The following RGS6 variants were observed in gnomAD, a reference collection of about 807,000 sequenced individuals.
RGS6 encodes the protein regulator of G-protein signaling 6.
RGS6 carries 30 observed loss-of-function variants against 78.5 expected under a neutral mutation model. The observed-to-expected ratio is 0.38, with a 90% CI of 0.29 to 0.52. RGS6 has a LOEUF of 0.52. Ranked by LOEUF, RGS6 falls within the 20% of genes least tolerant of loss-of-function variation. The pLI, the probability that RGS6 is intolerant of heterozygous loss-of-function variation, is 0.85. For missense variants in RGS6, 495 were observed against 609.7 expected, an observed-to-expected ratio of 0.81 and a Z score of 1.98; for synonymous variants, 206 against 206.0, an observed-to-expected ratio of 1.00 and a Z score of 0.00.
chr14:72,461,856 G>T (rs529218975), intron 6 of RGS6, among the ~76,000 whole-genome samples: 1 of 152,154 alleles, frequency 6.6e-6, no homozygotes, highest in Non-Finnish European at 1.5e-5. Flanking sequence ...GTGCCTCAGA[G>T]ACCTCATATT....
chr14:72,524,645 C>A (rs1598698101), intron 15 of RGS6, among the ~76,000 whole-genome samples: 2 of 152,340 alleles, frequency 1.3e-5, no homozygotes, highest in Non-Finnish European at 2.9e-5. Context: ...CATCCATTCT[C>A]CCATTCAAGT....
At chr14:72,297,247 G>C (rs1260750202) in intron 2 of RGS6, among the ~76,000 whole-genome samples, 2 of 151,934 alleles carry the variant, frequency 1.3e-5, no homozygotes, top group East Asian at 3.8e-4. Context: ...GAATGTTTGG[G>C]CTATTCTAGG....
chr14:71,994,373 TTGTAGGATAGTTTCTCCC>T (rs779323516), intron 2 of RGS6, among the ~76,000 whole-genome samples: 12 of 152,120 alleles, frequency 7.9e-5, no homozygotes, highest in Non-Finnish European at 1.6e-4. Context: ...ACCTTCTTAT[TTGTAGGATAGTTTCTCCC>T]TGTAGGACTT....
intron 2 of RGS6, among the ~76,000 whole-genome samples, chr14:72,152,245 A>AGTGTGT (rs10686344): frequency 8.2e-5 from 8 of 97,228 alleles, no homozygotes; most frequent in Admixed American, 3.1e-4. Context: ...AGAGAGAGAG[A>AGTGTGT]GTGTGTGTGT....
chr14:72,236,805 G>A (rs1378709741), intron 2 of RGS6, among the ~76,000 whole-genome samples: 3 of 152,142 alleles, frequency 2.0e-5, no homozygotes, highest in African/African-American at 7.2e-5. Context: ...AGGGGGCGCT[G>A]AGCAGAGGTG....
rs535020853 is a variant in RGS6 at position 72,438,986 on chromosome 14, G to A, written c.185-15542G>A. Reference sequence around the variant, plus strand: ...CTGCCTTGGAGATCTGGCCTTGGCTGTTCCTCTGATGGGGAGGCTCTTCCT... The same window carrying A: ...CTGCCTTGGAGATCTGGCCTTGGCTATTCCTCTGATGGGGAGGCTCTTCCT... On this transcript the variant is annotated intron_variant, in intron 3 of 17. Transcript: ENST00000553525. Among the ~76,000 whole-genome samples, 4 of 152,318 alleles carry A rather than the reference G, an allele frequency of 2.6e-5. No homozygotes were observed. In the South Asian group the frequency reaches 8.3e-4, roughly 32 times the overall value.
intron 14 of RGS6, 42 bp from the exon 15 acceptor site, chr14:72,518,309 C>A: frequency 6.3e-7 from 1 of 1,583,394 alleles, no homozygotes; most frequent in East Asian, 2.2e-5. Flanking sequence ...CATCCCGATG[C>A]TGAGCCCCCT....
At chr14:72,584,935 C>A in the RGS6 span, among the ~76,000 whole-genome samples, 17 of 152,064 alleles carry the variant, frequency 1.1e-4, no homozygotes, top group Non-Finnish European at 2.2e-4. Flanking sequence ...TTGAACCAAG[C>A]CCAGGGTTAG....
chr14:72,196,403 T>G (rs2040162029), intron 2 of RGS6, among the ~76,000 whole-genome samples: 1 of 152,214 alleles, frequency 6.6e-6, no homozygotes, highest in Non-Finnish European at 1.5e-5. Flanking sequence ...AGAATGCTAC[T>G]GTCTGTCCCC....
At chr14:72,288,954 C>A (rs1234682752) in intron 2 of RGS6, among the ~76,000 whole-genome samples, 1 of 152,064 alleles carries the variant, frequency 6.6e-6, no homozygotes, top group Non-Finnish European at 1.5e-5. Flanking sequence ...ATGCCAGTAC[C>A]AAGGGGAGTC....
chr14:72,259,430 C>T (rs2057699416), intron 2 of RGS6, among the ~76,000 whole-genome samples: 1 of 152,048 alleles, frequency 6.6e-6, no homozygotes, highest in Admixed American at 6.6e-5. Flanking sequence ...TTTAGTGACT[C>T]CTATTCTACA....
At chr14:72,107,275 G>A (rs1029275057) in intron 2 of RGS6, among the ~76,000 whole-genome samples, 4 of 152,182 alleles carry the variant, frequency 2.6e-5, no homozygotes, top group Non-Finnish European at 4.4e-5. Context: ...AGGTTTAAAC[G>A]TAGTGGAAGA....
chr14:72,334,366 T>C (rs1026473167), intron 2 of RGS6, among the ~76,000 whole-genome samples: 9 of 152,162 alleles, frequency 5.9e-5, no homozygotes, highest in African/African-American at 2.2e-4. Flanking sequence ...TACAAAAACC[T>C]GGGGAAGCTG....
At chr14:72,100,720 C>T (rs1020090833) in intron 2 of RGS6, among the ~76,000 whole-genome samples, 19 of 152,176 alleles carry the variant, frequency 1.2e-4, no homozygotes, top group African/African-American at 4.6e-4. Context: ...CATAGTTACT[C>T]AGTAAATATT....
chr14:72,096,769 C>G (rs2095416802), intron 2 of RGS6, among the ~76,000 whole-genome samples: 1 of 152,172 alleles, frequency 6.6e-6, no homozygotes, highest in Non-Finnish European at 1.5e-5. Context: ...CCTGAGCTTG[C>G]AAGTCATGAA....
intron 2 of RGS6, among the ~76,000 whole-genome samples, chr14:72,218,741 A>G (rs1175583977): frequency 6.6e-6 from 1 of 152,030 alleles, no homozygotes; most frequent in African/African-American, 2.4e-5. Context: ...CCTCCCAAGT[A>G]GCTGGGACTA....
the RGS6 span, among the ~76,000 whole-genome samples, chr14:72,609,541 C>T: frequency 5.7e-4 from 87 of 152,326 alleles, 1 homozygote; most frequent in South Asian, 0.017. Flanking sequence ...GAGCTTGATA[C>T]GTTCCTTAGG....
chr14:71,867,832 A>G, the RGS6 span, among the ~76,000 whole-genome samples: 1 of 152,058 alleles, frequency 6.6e-6, no homozygotes, highest in Non-Finnish European at 1.5e-5. Context: ...ATGTGGGCTC[A>G]CTGGGGGCCA....
chr14:72,133,528 T>A (rs1014889694), intron 2 of RGS6, among the ~76,000 whole-genome samples: 4 of 152,126 alleles, frequency 2.6e-5, no homozygotes, highest in Non-Finnish European at 5.9e-5. Flanking sequence ...AAACCGGGCT[T>A]CCCTTTCCCC....
Sources: gnomAD v4.1 joint callset for allele counts (sites outside exome capture counted in the v4.1 genomes callset) on GRCh38, gnomAD v4.1.1 for gene constraint, MANE v1.5 for transcripts, NCBI Gene and HGNC (gene_info 2026-07-23, HGNC 2026-07-21) for gene names.